Variants in OR51A7 observed in about 807,000 individuals in gnomAD.
OR51A7 encodes olfactory receptor family 51 subfamily A member 7.
For synonymous variants in OR51A7, 143 were observed against 135.5 expected, an observed-to-expected ratio of 1.05 and a Z score of -0.38; for missense variants, 409 against 374.5, an observed-to-expected ratio of 1.09 and a Z score of -0.76.
chr11:4,905,617 C>A (rs1284916011), intron 1 of OR51A7, among the ~76,000 whole-genome samples: 1 of 152,010 alleles, frequency 6.6e-6, no homozygotes, highest in African/African-American at 2.4e-5. Flanking sequence ...CTTCCATTGG[C>A]TCTACCTTCA....
At position 4,908,404 on chromosome 11, in the gene OR51A7, G is replaced by T. The variant is rs1361321684; in HGVS notation, c.*96G>T. ...CATAGAAGTCACTAATGAAGGACTG[G>T]ATGATGGAAGTGAAAAGCTATGTAG... On this transcript the variant is annotated 3_prime_UTR_variant, in exon 2 of 2. Coordinates refer to ENST00000641490, the MANE Select transcript of OR51A7 (RefSeq NM_001004749.2). 9.8e-7 allele frequency: 1 copy of T among 1,016,436 alleles called. No individual in the cohort carries two copies. Among genetic ancestry groups the T allele is most frequent in the South Asian group, 1.3e-5 (1 of 76,030 alleles). 63.0% of individuals were successfully genotyped at this position (1,016,436 alleles called of 1,614,324 possible). A position where few individuals can be genotyped will look rare whatever the true frequency, so the allele number is the denominator to read the frequency against.
Position 4,908,138 on chromosome 11 carries a change from CT to C in OR51A7, c.770del (p.Leu257ArgfsTer16). 2.5e-6 allele frequency: 4 copies of C among 1,614,202 alleles called. No homozygotes were observed. The highest frequency in any genetic ancestry group is 3.4e-6 in the Non-Finnish European group (4 of 1,180,022). On this transcript the variant is annotated frameshift_variant, in exon 2 of 2. Transcript: ENST00000641490. LOFTEE classifies it low-confidence loss of function (END_TRUNC). ...VLTFYVPIIT[L>X]AAMHHFAKHK... ...CACCTTCTATGTGCCCATCATCACCCTGGCTGCCATGCATCACTTTGCCAAG... is the reference window on the plus strand; with the variant it reads ...CACCTTCTATGTGCCCATCATCACCCGGCTGCCATGCATCACTTTGCCAAG...
intron 1 of OR51A7, 137 bp from the exon 2 acceptor site, chr11:4,907,202 C>G: frequency 1.9e-6 from 1 of 524,458 alleles, no homozygotes; most frequent in Non-Finnish European, 3.4e-6. Context: ...TGTTTAAGGA[C>G]TTCTGGTAAA....
At position 4,909,309 on chromosome 11, in the gene OR51A7, T is replaced by C. The variant is rs1850954936; in HGVS notation, c.*1001T>C. On this transcript the variant is annotated 3_prime_UTR_variant, in exon 2 of 2. Coordinates refer to ENST00000641490, the MANE Select transcript of OR51A7 (RefSeq NM_001004749.2). The stretch of plus-strand genomic sequence containing the variant: ...AAAGAGTATACAGTTGAAAATACAA[T>C]TTGAAGGGGGGCAAACAAGATTGAT... 1 of 152,086 alleles carries C rather than the reference T, an allele frequency of 6.6e-6. No homozygotes were observed. The highest frequency in any genetic ancestry group is 2.4e-5 in the African/African-American group (1 of 41,436). The allele number at this position is 152,086 out of a possible 1,614,324, so 9.4% of individuals were successfully genotyped here.
rs748605453 is a variant in OR51A7, at chr11:4,907,356, A to G, written c.-14A>G. On this transcript the variant is annotated 5_prime_UTR_variant, in exon 2 of 2. Coordinates refer to ENST00000641490, the MANE Select transcript of OR51A7 (RefSeq NM_001004749.2). ...GGTTTCAGATCCGGCTAACGAGCTC[A>G]TATCTCCCTCATTATGTCTGTTCTC... is the stretch of plus-strand genomic sequence containing the variant. 47 of 1,550,268 alleles carry G rather than the reference A, an allele frequency of 3.0e-5. No homozygotes were observed. The Admixed American group carries it at 3.7e-4, about 12-fold the overall frequency.
chr11:4,908,238 T>G lies in OR51A7; in HGVS notation c.869T>G (p.Val290Gly), dbSNP rs1850935097. 2 of 1,614,172 alleles carry G rather than the reference T, an allele frequency of 1.2e-6. No individual in the cohort carries two copies. The highest frequency in any genetic ancestry group is 3.3e-5 in the Admixed American group (2 of 60,016). ...GTGCCGCCCCTTATGAACCCCATTG[T>G]GTACTGTGTAAAGACTCGACAAATC... ...LLVPPLMNPI[V>G]YCVKTRQIWE... The change falls in exon 2 of 2, where the codon GTG becomes GGG. Residue 290 changes from valine to glycine, a missense_variant. Physicochemically the swap from Val to Gly is moderately radical, Grantham distance 109. Coordinates refer to ENST00000641490, the MANE Select transcript of OR51A7 (RefSeq NM_001004749.2).
rs1850939890 is a variant in OR51A7, at chr11:4,908,413, A to G, written c.*105A>G. The stretch of plus-strand genomic sequence containing the variant: ...CACTAATGAAGGACTGGATGATGGA[A>G]GTGAAAAGCTATGTAGTGCAGAATT... On this transcript the variant is annotated 3_prime_UTR_variant, in exon 2 of 2. Coordinates refer to ENST00000641490, the MANE Select transcript of OR51A7 (RefSeq NM_001004749.2). 2.1e-6 allele frequency: 2 copies of G among 955,564 alleles called. No homozygotes were observed. Among genetic ancestry groups the G allele is most frequent in the Admixed American group, 1.9e-5 (1 of 52,636 alleles). The allele number at this position is 955,564 out of a possible 1,614,324, so 59.2% of individuals were successfully genotyped here.
chr11:4,908,088 G>T lies in OR51A7; in HGVS notation c.719G>T (p.Cys240Phe). 6.2e-7 allele frequency: 1 copy of T among 1,614,144 alleles called. No homozygotes were observed. Among genetic ancestry groups the T allele is most frequent in the South Asian group, 1.1e-5 (1 of 91,088 alleles). The change falls in exon 2 of 2, where the codon TGT (cysteine) becomes TTT (phenylalanine). Residue 240 changes from cysteine to phenylalanine, a missense_variant. Coordinates refer to ENST00000641490, the MANE Select transcript of OR51A7 (RefSeq NM_001004749.2). The stretch of plus-strand genomic sequence containing the variant: ...GAGAGGCTTAAGGCCCTAAATACCT[G>T]TGTCTCCCACATCTGTGCTGTGCTC... ...LAERLKALNTCVSHICAVLTF... is the reference protein window; with the variant it reads ...LAERLKALNTFVSHICAVLTF...
chr11:4,909,403 T>A lies in OR51A7; in HGVS notation c.*1095T>A, dbSNP rs1239041215. The A allele has an allele frequency of 6.6e-6, 1 of 152,094 alleles. No individual in the cohort carries two copies. The highest frequency in any genetic ancestry group is 1.9e-4 in the East Asian group (1 of 5,194). 9.4% of individuals were successfully genotyped at this position (152,094 alleles called of 1,614,324 possible). The stretch of plus-strand genomic sequence containing the variant: ...GAAAAGAAAAGCTTTTCAAAGGAAC[T>A]GGGGACTTGAATGATGGGTTTGAAT... On this transcript the variant is annotated 3_prime_UTR_variant, in exon 2 of 2. Coordinates refer to ENST00000641490, the MANE Select transcript of OR51A7 (RefSeq NM_001004749.2).
chr11:4,907,115 A>AAAAAAAAAAAAAAAAAAAAAAC (rs1554890101), intron 1 of OR51A7, among the ~76,000 whole-genome samples: 2 of 144,816 alleles, frequency 1.4e-5, no homozygotes, highest in Admixed American at 7.0e-5. Flanking sequence ...AAAAAAAAAA[A>AAAAAAAAAAAAAAAAAAAAAAC]TCCTAAAAAT....
rs574113164 is a variant in OR51A7 at position 4,906,181 on chromosome 11, G to A, written c.-31-1158G>A. Among the ~76,000 whole-genome samples, 15 of 152,272 alleles carry A rather than the reference G, an allele frequency of 9.9e-5. No homozygotes were observed. In the South Asian group the frequency reaches 2.3e-3, roughly 23 times the overall value. The stretch of plus-strand genomic sequence containing the variant: ...CCACATTTAATACATGAATATGTAC[G>A]TGAAGAAATAAGAATACGTAACTCC... On this transcript the variant is annotated intron_variant, in intron 1 of 1. Transcript: ENST00000641490.
rs916826701 is a variant in OR51A7 at position 4,907,768 on chromosome 11, T to A, written c.399T>A (p.Ser133Arg). 3 of 1,613,996 alleles carry A rather than the reference T, an allele frequency of 1.9e-6. No homozygotes were observed. The highest frequency in any genetic ancestry group is 1.7e-5 in the Admixed American group (1 of 59,992). Residue 133 changes from serine (S) to arginine (R), a missense_variant, in exon 2 of 2, where the codon AGT (serine) becomes AGA (arginine). Physicochemically the swap from Ser to Arg is moderately radical, Grantham distance 110 (BLOSUM62 -1). Transcript: ENST00000641490. ...FLAIHNPLRY[S>R]SILTSNRVAK... Reference sequence around the variant, plus strand: ...CCATTCACAATCCCTTAAGATACAGTTCTATCCTCACTAGCAACAGGGTTG... The same window carrying A: ...CCATTCACAATCCCTTAAGATACAGATCTATCCTCACTAGCAACAGGGTTG...
chr11:4,904,258 C>A (rs759265019), intron 1 of OR51A7, among the ~76,000 whole-genome samples: 7 of 152,078 alleles, frequency 4.6e-5, no homozygotes, highest in Non-Finnish European at 7.4e-5. Context: ...ACTGCTTAAG[C>A]AGCTTTCCCA....
At chr11:4,905,510 T>C (rs10768355) in intron 1 of OR51A7, among the ~76,000 whole-genome samples, 36,075 of 152,016 alleles carry the variant, frequency 0.24, 4,682 homozygotes, top group East Asian at 0.56. Context: ...TTCCAGTGTC[T>C]CCTGTGTTTT....
Position 4,907,817 on chromosome 11 carries a change from A to G in OR51A7, c.448A>G (p.Ile150Val). 3 of 1,613,914 alleles carry G rather than the reference A, an allele frequency of 1.9e-6. No homozygotes were observed. The Middle Eastern group carries it at 4.9e-4, about 266-fold the overall frequency. ...RVAKMGLILA[I>V]RSILLVIPFP... ...TGCTAAAATGGGACTTATTTTAGCC[A>G]TTAGGAGCATTCTCTTAGTGATTCC... The change falls in exon 2 of 2, where the codon ATT becomes GTT. Residue 150 changes from isoleucine (I) to valine (V), a missense_variant. Transcript: ENST00000641490.
In OR51A7 at chr11:4,907,872, A is replaced by G; in HGVS notation, c.503A>G (p.Tyr168Cys). Residue 168 changes from tyrosine to cysteine, a missense_variant, in exon 2 of 2, where the codon TAT becomes TGT. Coordinates refer to ENST00000641490, the MANE Select transcript of OR51A7 (RefSeq NM_001004749.2). ...PFPFTLRRLK[Y>C]CQKNLLSHSY... ...CCCTTCACCTTAAGGAGATTAAAATATTGTCAAAAGAATCTTCTTTCTCAC... is the reference window on the plus strand; with the variant it reads ...CCCTTCACCTTAAGGAGATTAAAATGTTGTCAAAAGAATCTTCTTTCTCAC... 1.9e-6 allele frequency: 3 copies of G among 1,613,964 alleles called. No homozygotes were observed. Among genetic ancestry groups the G allele is most frequent in the African/African-American group, 1.3e-5 (1 of 75,030 alleles).
At chr11:4,906,090 C>T (rs968103599) in intron 1 of OR51A7, among the ~76,000 whole-genome samples, 14 of 152,262 alleles carry the variant, frequency 9.2e-5, no homozygotes, top group African/African-American at 2.6e-4. Context: ...TGTAGAGCTT[C>T]AAATGGTTTC....
In OR51A7 at chr11:4,908,231, C is replaced by A. The variant is rs776424931; in HGVS notation, c.862C>A (p.Pro288Thr). Residue 288 changes from proline to threonine, a missense_variant, in exon 2 of 2, where the codon CCC (proline) becomes ACC (threonine). By Grantham distance (38) the Pro-to-Thr change is conservative (BLOSUM62 -1). Coordinates refer to ENST00000641490, the MANE Select transcript of OR51A7 (RefSeq NM_001004749.2). ...CTTGTTGGTGCCGCCCCTTATGAAC[C>A]CCATTGTGTACTGTGTAAAGACTCG... ...MFLLVPPLMN[P>T]IVYCVKTRQI... 5 of 1,613,992 alleles carry A rather than the reference C, an allele frequency of 3.1e-6. No homozygotes were observed. Among genetic ancestry groups the A allele is most frequent in the Non-Finnish European group, 4.2e-6 (5 of 1,180,006 alleles).
rs369092388 is a variant in OR51A7, at chr11:4,908,151, A to C, written c.782A>C (p.His261Pro). 3.1e-6 allele frequency: 5 copies of C among 1,614,074 alleles called. No individual in the cohort carries two copies. The highest frequency in any genetic ancestry group is 1.1e-5 in the South Asian group (1 of 91,080). The change falls in exon 2 of 2, where the codon CAT becomes CCT. Residue 261 changes from histidine (H) to proline (P), a missense_variant. By Grantham distance (77) the His-to-Pro change is moderately conservative. Transcript: ENST00000641490. ...CCCATCATCACCCTGGCTGCCATGC[A>C]TCACTTTGCCAAGCACAAAAGCCCT... ...YVPIITLAAM[H>P]HFAKHKSPLV...
Sources: gnomAD v4.1 joint callset for allele counts (sites outside exome capture counted in the v4.1 genomes callset) on GRCh38, gnomAD v4.1.1 for gene constraint, MANE v1.5 for transcripts, NCBI Gene and HGNC (gene_info 2026-07-23, HGNC 2026-07-21) for gene names.